The following RARA variants were observed in gnomAD, a reference collection of about 807,000 sequenced individuals.
RARA encodes retinoic acid receptor alpha, also known as PML-DDX5-RARA fusion.
RARA carries 5 observed loss-of-function variants against 42.8 expected under a neutral mutation model. That is an observed-to-expected ratio of 0.12 (90% confidence interval 0.06 to 0.25). RARA has a LOEUF of 0.25. RARA is among the 10% of genes least tolerant of loss of function. The pLI is 1.00. For missense variants in RARA, 402 were observed against 628.7 expected, an observed-to-expected ratio of 0.64 and a Z score of 3.86; for synonymous variants, 256 against 259.5, an observed-to-expected ratio of 0.99 and a Z score of 0.13.
intron 2 of RARA, 53 bp downstream of exon 2, chr17:40,331,449 C>T (rs982576548): frequency 1.3e-6 from 2 of 1,563,932 alleles, no homozygotes; most frequent in African/African-American, 2.7e-5. Context: ...GGGTGGCAGG[C>T]CTCAGAGCTT....
intron 6 of RARA, among the ~76,000 whole-genome samples, chr17:40,353,495 G>A (rs2034518421): frequency 6.6e-6 from 1 of 152,152 alleles, no homozygotes; most frequent in Admixed American, 6.5e-5. Flanking sequence ...TGTCACCCAG[G>A]CTGGAGTGCA....
chr17:40,356,876 G>T lies in RARA; in HGVS notation c.*650G>T. ...AGGGGGTGGGTCCGGGGGAGGGAGT[G>T]GCTCGGAAGGGGCCCCCACTCTCCT... On this transcript the variant is annotated 3_prime_UTR_variant, in exon 9 of 9. Transcript: ENST00000254066. 2.4e-6 allele frequency: 1 copy of T among 418,884 alleles called. No homozygotes were observed. The highest frequency in any genetic ancestry group is 4.4e-6 in the Non-Finnish European group (1 of 225,810). 25.9% of individuals were successfully genotyped at this position (418,884 alleles called of 1,614,324 possible).
At chr17:40,313,790 C>T (rs1014228007) in intron 1 of RARA, among the ~76,000 whole-genome samples, 8 of 152,150 alleles carry the variant, frequency 5.3e-5, no homozygotes, top group South Asian at 2.1e-4. Context: ...CTTCTCTCTA[C>T]GCAGTTTCTG....
At chr17:40,323,648 G>T (rs2033454937) in intron 1 of RARA, among the ~76,000 whole-genome samples, 1 of 150,516 alleles carries the variant, frequency 6.6e-6, no homozygotes, top group African/African-American at 2.5e-5. Context: ...GGGCTTCCCT[G>T]TTCAGCTGGG....
At chr17:40,349,309 C>G (rs2034369721) in intron 3 of RARA, 1 of 174,288 alleles carries the variant, frequency 5.7e-6, no homozygotes, top group African/African-American at 2.4e-5. Context: ...TTGGTGAACT[C>G]ACATCTTTCT....
Position 40,349,482 on chromosome 17 carries a change from AT to A in RARA, c.328-299del, listed in dbSNP as rs1308823015. ...TGCCCAGTTAGCCCCATGTCTTCCTATTTCTGACTCACCAGCAGCCCTGAGG... is the reference window on the plus strand; with the variant it reads ...TGCCCAGTTAGCCCCATGTCTTCCTATTCTGACTCACCAGCAGCCCTGAGG... On this transcript the variant is annotated intron_variant, in intron 3 of 8. Transcript: ENST00000254066. The A allele has an allele frequency of 1.9e-5, 6 of 315,142 alleles. No individual in the cohort carries two copies. In the East Asian group the frequency reaches 3.9e-4, roughly 20 times the overall value. The allele number at this position is 315,142 out of a possible 1,614,324, so 19.5% of individuals were successfully genotyped here.
At chr17:40,332,670 A>G (rs1402525667) in intron 2 of RARA, among the ~76,000 whole-genome samples, 1 of 152,188 alleles carries the variant, frequency 6.6e-6, no homozygotes, top group Non-Finnish European at 1.5e-5. Flanking sequence ...AGCCACCAGG[A>G]GCAGGGACTC....
Position 40,354,179 on chromosome 17 carries a change from A to G in RARA, c.808-123A>G, listed in dbSNP as rs1481042744. The stretch of plus-strand genomic sequence containing the variant: ...TTCCATCATTGTAGAAAATTCTATC[A>G]GACAGCATTGCTCCGGCCACCTGCC... On this transcript the variant is annotated intron_variant, in intron 6 of 8. Coordinates refer to ENST00000254066, the MANE Select transcript of RARA (RefSeq NM_000964.4). This position sits in a 1 kb window ranked among gnomAD's most constrained non-coding sequence, Gnocchi z 4.5. 2.3e-6 allele frequency: 2 copies of G among 858,930 alleles called. No individual in the cohort carries two copies. The highest frequency in any genetic ancestry group is 3.7e-6 in the Non-Finnish European group (2 of 545,308). The allele number at this position is 858,930 out of a possible 1,614,324, so 53.2% of individuals were successfully genotyped here.
intron 1 of RARA, among the ~76,000 whole-genome samples, chr17:40,314,104 G>T (rs1241422499): frequency 6.6e-6 from 1 of 151,762 alleles, no homozygotes; most frequent in Non-Finnish European, 1.5e-5. Flanking sequence ...TAGCTTGGGT[G>T]GACGGGCTTA....
At chr17:40,339,577 C>T (rs566826065) in intron 2 of RARA, among the ~76,000 whole-genome samples, 19 of 152,274 alleles carry the variant, frequency 1.2e-4, no homozygotes, top group East Asian at 5.8e-4. Context: ...TCTCCAGCTC[C>T]GGAAATCCTA....
At chr17:40,314,874 G>A (rs1031064299) in intron 1 of RARA, among the ~76,000 whole-genome samples, 2 of 151,852 alleles carry the variant, frequency 1.3e-5, no homozygotes, top group African/African-American at 4.8e-5. Flanking sequence ...TTGTGGTGGG[G>A]GTGGAGGGCT....
Position 40,331,010 on chromosome 17 carries a change from C to A in RARA, c.-209C>A, listed in dbSNP as rs1199311345. ...AAGGACCGGCTCTTGAGACATCCCC[C>A]AACCCACCTGGCCCCCAGCTAGGGT... On this transcript the variant is annotated 5_prime_UTR_variant, in exon 2 of 9. Transcript: ENST00000254066. 1 of 547,838 alleles carries A rather than the reference C, an allele frequency of 1.8e-6. No individual in the cohort carries two copies. The highest frequency in any genetic ancestry group is 3.1e-6 in the Non-Finnish European group (1 of 317,550). The allele number at this position is 547,838 out of a possible 1,614,324, so 33.9% of individuals were successfully genotyped here.
intron 1 of RARA, among the ~76,000 whole-genome samples, chr17:40,318,904 G>C (rs1325021965): frequency 5.9e-5 from 9 of 152,240 alleles, no homozygotes; most frequent in Admixed American, 3.9e-4. Flanking sequence ...ACTCCCACCA[G>C]AGGGAGCCGG....
At chr17:40,346,768 G>A (rs2034280907) in intron 2 of RARA, among the ~76,000 whole-genome samples, 1 of 152,158 alleles carries the variant, frequency 6.6e-6, no homozygotes, top group Admixed American at 6.5e-5. Context: ...ACGGCGGTGG[G>A]GAGGTCAGGA....
chr17:40,319,830 G>A (rs376363726), intron 1 of RARA, among the ~76,000 whole-genome samples: 27 of 152,322 alleles, frequency 1.8e-4, no homozygotes, highest in East Asian at 1.2e-3. Flanking sequence ...GGCCGGGGGG[G>A]GCGGGTAGAG....
chr17:40,337,562 C>T (rs1306476228), intron 2 of RARA, among the ~76,000 whole-genome samples: 1 of 152,268 alleles, frequency 6.6e-6, no homozygotes, highest in East Asian at 1.9e-4. Context: ...CAGCGGGCAC[C>T]CTCCCCCCGA....
chr17:40,331,309 A>G lies in RARA; in HGVS notation c.91A>G (p.Met31Val), dbSNP rs1313589879. 1.1e-5 allele frequency: 17 copies of G among 1,613,538 alleles called. No homozygotes were observed. The highest frequency in any genetic ancestry group is 1.6e-4 in the Middle Eastern group (1 of 6,082). ...TCCCTACGCCTTCTTCTTCCCCCCT[A>G]TGCTGGGTGGACTCTCCCCGCCAGG... ...VPPYAFFFPP[M>V]LGGLSPPGAL... Residue 31 changes from methionine to valine, a missense_variant, in exon 2 of 9, where the codon ATG becomes GTG. This residue lies in a region of RARA where 91 missense variants were observed against 105.2 expected (regional missense o/e 0.87). Coordinates refer to ENST00000254066, the MANE Select transcript of RARA (RefSeq NM_000964.4).
chr17:40,356,314 G>C lies in RARA; in HGVS notation c.*88G>C. On this transcript the variant is annotated 3_prime_UTR_variant, in exon 9 of 9. Transcript: ENST00000254066. Reference sequence around the variant, plus strand: ...GACCATGTGACCCCGCACCAGCCCTGCCCCCACCTGCCCTCCCGGGCAGTA... The same window carrying C: ...GACCATGTGACCCCGCACCAGCCCTCCCCCCACCTGCCCTCCCGGGCAGTA... The C allele has an allele frequency of 7.4e-7, 1 of 1,351,448 alleles. No homozygotes were observed. The highest frequency in any genetic ancestry group is 1.0e-6 in the Non-Finnish European group (1 of 974,036). 83.7% of individuals were successfully genotyped at this position (1,351,448 alleles called of 1,614,324 possible). A position where few individuals can be genotyped will look rare whatever the true frequency, so the allele number is the denominator to read the frequency against.
chr17:40,351,781 C>T lies in RARA; in HGVS notation c.470-129C>T, dbSNP rs1004367917. 2.7e-5 allele frequency: 33 copies of T among 1,241,156 alleles called. No homozygotes were observed. The highest frequency in any genetic ancestry group is 2.0e-4 in the South Asian group (14 of 71,480). 76.9% of individuals were successfully genotyped at this position (1,241,156 alleles called of 1,614,324 possible). On this transcript the variant is annotated intron_variant, in intron 4 of 8. Coordinates refer to ENST00000254066, the MANE Select transcript of RARA (RefSeq NM_000964.4). The surrounding 1 kb of genome is among the most constrained non-coding windows in gnomAD (Gnocchi z 4.1). ...GCAATGCCTTGCCTGCCCGTGAACG[C>T]GTGCTGTGTGCGCGTGCTTACAAGC... is the stretch of plus-strand genomic sequence containing the variant.
Sources: gnomAD v4.1 joint callset for allele counts (sites outside exome capture counted in the v4.1 genomes callset) on GRCh38, gnomAD v4.1.1 for gene constraint, gnomAD v4.1.1 regional missense constraint, Gnocchi (gnomAD v3.1) non-coding constraint, MANE v1.5 for transcripts, NCBI Gene and HGNC (gene_info 2026-07-23, HGNC 2026-07-21) for gene names.